Variants in SPAG17 observed in about 807,000 individuals in gnomAD.
The protein encoded by SPAG17 is sperm-associated antigen 17.
Under a neutral mutation model 273.6 loss-of-function variants are expected in SPAG17, and 169 were observed. The ratio of observed to expected loss-of-function variants is 0.62; its 90% CI spans 0.55 to 0.70. The LOEUF is 0.70. SPAG17 is among the 30% of genes least tolerant of loss of function. The pLI is 0.00. For synonymous variants in SPAG17, 825 were observed against 873.2 expected (o/e 0.94, Z 0.97); for missense variants, 2,557 against 2,627.8 (o/e 0.97, Z 0.59).
At chr1:118,081,765 G>T in intron 13 of SPAG17, 123 bp from the exon 14 acceptor site, 1 of 758,996 alleles carries the variant, frequency 1.3e-6, no homozygotes, top group Non-Finnish European at 2.1e-6. Context: ...CACAATGGCT[G>T]TTGAGCTGAT....
At chr1:118,024,086 A>G (rs917443377) in intron 27 of SPAG17, among the ~76,000 whole-genome samples, 4 of 152,186 alleles carry the variant, frequency 2.6e-5, no homozygotes, top group Admixed American at 6.6e-5. Context: ...GCATGATGGC[A>G]TATTTAGGTA....
intron 43 of SPAG17, among the ~76,000 whole-genome samples, chr1:117,975,334 T>C (rs1655019682): frequency 6.6e-6 from 1 of 152,216 alleles, no homozygotes; most frequent in South Asian, 2.1e-4. Context: ...TTCTGTGGTT[T>C]GCTTTTGGTC....
intron 18 of SPAG17, among the ~76,000 whole-genome samples, chr1:118,065,700 A>C (rs957067007): frequency 2.0e-5 from 3 of 152,148 alleles, no homozygotes; most frequent in Non-Finnish European, 4.4e-5. Flanking sequence ...TAAAGAAAAA[A>C]ATATAAACAC....
intron 1 of SPAG17, among the ~76,000 whole-genome samples, chr1:118,152,573 C>T (rs540946117): frequency 2.8e-4 from 43 of 152,186 alleles, no homozygotes; most frequent in African/African-American, 1.0e-3. Flanking sequence ...ACAAGACTCA[C>T]CCAATTCTCA....
At chr1:118,149,632 A>C (rs1659263465) in intron 3 of SPAG17, among the ~76,000 whole-genome samples, 1 of 152,240 alleles carries the variant, frequency 6.6e-6, no homozygotes, top group African/African-American at 2.4e-5. Flanking sequence ...GTCTATTGTG[A>C]ATAAATCCAA....
In SPAG17 at chr1:118,012,353, T is replaced by C. The variant is rs1036192437; in HGVS notation, c.4307A>G (p.Asp1436Gly). 10 of 1,613,498 alleles carry C rather than the reference T, an allele frequency of 6.2e-6. No homozygotes were observed. The highest frequency in any genetic ancestry group is 8.5e-6 in the Non-Finnish European group (10 of 1,179,652). Residue 1436 changes from aspartate (D) to glycine (G), a missense_variant, in exon 30 of 49, where the codon GAC (aspartate) becomes GGC (glycine). By Grantham distance (94) the Asp-to-Gly change is moderately conservative. Coordinates refer to ENST00000336338, the MANE Select transcript of SPAG17 (RefSeq NM_206996.4). Reference sequence around the variant, plus strand: ...TTTCCTTTCAACTATGACAACTTTGTCTTCTCGAGTTGTCATAACCTGAAC... The same window carrying C: ...TTTCCTTTCAACTATGACAACTTTGCCTTCTCGAGTTGTCATAACCTGAAC... ...VNGTVMTTRE[D>G]KVVIVERKDG...
chr1:117,974,883 G>A (rs572833997), intron 43 of SPAG17, among the ~76,000 whole-genome samples: 20 of 152,268 alleles, frequency 1.3e-4, no homozygotes, highest in East Asian at 9.7e-4. Context: ...TTTTTACACC[G>A]GAATGAGGGG....
intron 1 of SPAG17, among the ~76,000 whole-genome samples, chr1:118,164,341 C>G (rs946718901): frequency 6.6e-6 from 1 of 152,082 alleles, no homozygotes; most frequent in African/African-American, 2.4e-5. Flanking sequence ...CCTAACATAA[C>G]AAAACAATCA....
chr1:118,012,402 T>G (rs535049159), intron 29 of SPAG17, 30 bp from the exon 30 acceptor site: 3 of 1,607,162 alleles, frequency 1.9e-6, no homozygotes, highest in African/African-American at 2.7e-5. Flanking sequence ...ACATAATCAT[T>G]TGGCCACATG....
intron 3 of SPAG17, among the ~76,000 whole-genome samples, chr1:118,148,406 G>A (rs528887957): frequency 3.3e-5 from 5 of 152,214 alleles, no homozygotes; most frequent in Non-Finnish European, 4.4e-5. Context: ...CCTGCTGCAA[G>A]GTGCTAGCTC....
chr1:118,104,317 T>C (rs1656256898), intron 4 of SPAG17, among the ~76,000 whole-genome samples: 1 of 152,162 alleles, frequency 6.6e-6, no homozygotes, highest in Non-Finnish European at 1.5e-5. Flanking sequence ...AACTGGGTGG[T>C]TGATGGTGTC....
Position 118,099,808 on chromosome 1 carries a change from A to G in SPAG17, c.635-8T>C, listed in dbSNP as rs1396211879. On this transcript the variant is annotated splice_polypyrimidine_tract_variant and splice_region_variant and intron_variant, in intron 5 of 48. Coordinates refer to ENST00000336338, the MANE Select transcript of SPAG17 (RefSeq NM_206996.4). ...CATCATCTGGCTCATCGTCTGTTCA[A>G]AATACCATAAAGAAGAGCAGCCATC... is the stretch of plus-strand genomic sequence containing the variant. 1 of 1,609,704 alleles carries G rather than the reference A, an allele frequency of 6.2e-7. No individual in the cohort carries two copies. Among genetic ancestry groups the G allele is most frequent in the Non-Finnish European group, 8.5e-7 (1 of 1,178,268 alleles).
chr1:118,041,769 C>G, intron 21 of SPAG17, 34 bp downstream of exon 21: 1 of 1,591,094 alleles, frequency 6.3e-7, no homozygotes. Flanking sequence ...AGGAATAGCC[C>G]AAAGAGACTA....
chr1:118,133,856 TA>T (rs1474891989), intron 3 of SPAG17, among the ~76,000 whole-genome samples: 3 of 152,178 alleles, frequency 2.0e-5, no homozygotes, highest in African/African-American at 7.2e-5. Flanking sequence ...ATTTTGACAA[TA>T]CAGAGTCCCT....
At position 117,994,587 on chromosome 1, in the gene SPAG17, T is replaced by G. The variant is rs986594244; in HGVS notation, c.5054-57A>C. 3.9e-6 allele frequency: 6 copies of G among 1,541,926 alleles called. No individual in the cohort carries two copies. In the African/African-American group the frequency reaches 6.9e-5, roughly 18 times the overall value. ...ACCCATTGAAAGTACTCAGAGAAAA[T>G]GAAAACGCATTGACTAAATTCAACA... On this transcript the variant is annotated intron_variant, in intron 34 of 48. Transcript: ENST00000336338.
intron 7 of SPAG17, among the ~76,000 whole-genome samples, chr1:118,095,302 T>C (rs1655635758): frequency 6.6e-6 from 1 of 152,182 alleles, no homozygotes; most frequent in Non-Finnish European, 1.5e-5. Flanking sequence ...CAATGGACTG[T>C]ACACGATTTT....
chr1:118,007,695 CAGG>C (rs1449476371), intron 31 of SPAG17, among the ~76,000 whole-genome samples: 3 of 152,114 alleles, frequency 2.0e-5, no homozygotes, highest in Non-Finnish European at 4.4e-5. Context: ...GTCGAGGCGG[CAGG>C]AGGTGAAGCT....
chr1:118,138,807 C>T lies in SPAG17; in HGVS notation c.315+11736G>A, dbSNP rs547561298. The stretch of plus-strand genomic sequence containing the variant: ...AGTTAATTCTTTCAGACAACAAACG[C>T]TTCTACAATACTTACTATGTATCAG... On this transcript the variant is annotated intron_variant, in intron 3 of 48. Coordinates refer to ENST00000336338, the MANE Select transcript of SPAG17 (RefSeq NM_206996.4). 7.9e-5 allele frequency among the ~76,000 whole-genome samples: 12 copies of T among 152,258 alleles called. No individual in the cohort carries two copies. The East Asian group carries it at 1.5e-3, about 20-fold the overall frequency.
At chr1:118,089,995 A>T (rs1017089977) in intron 10 of SPAG17, among the ~76,000 whole-genome samples, 23 of 152,236 alleles carry the variant, frequency 1.5e-4, no homozygotes, top group African/African-American at 5.3e-4. Flanking sequence ...TATGACTGTA[A>T]GTTTCCTGAG....
Sources: gnomAD v4.1 joint callset for allele counts (sites outside exome capture counted in the v4.1 genomes callset) on GRCh38, gnomAD v4.1.1 for gene constraint, MANE v1.5 for transcripts, NCBI Gene and HGNC (gene_info 2026-07-23, HGNC 2026-07-21) for gene names.